The following CDH13 variants were observed in gnomAD, a reference collection of about 807,000 sequenced individuals.
CDH13 encodes cadherin 13.
CDH13 carries 24 observed loss-of-function variants against 63.8 expected under a neutral mutation model. That is an observed-to-expected ratio of 0.38 (90% CI 0.27 to 0.53). CDH13 has a LOEUF of 0.53. Among genes scored for constraint, CDH13 ranks in the 20% least tolerant of loss-of-function variants. The pLI is 0.85. For missense variants in CDH13, 1,049 were observed against 903.1 expected (o/e 1.16, Z -2.07); for synonymous variants, 503 against 355.3 (o/e 1.42, Z -4.67).
rs113562239 is a variant in CDH13, at chr16:83,429,682, C to G, written c.782-56795C>G. Among the ~76,000 whole-genome samples the G allele has an allele frequency of 4.9e-3, 748 of 152,336 alleles. 3 individuals carry two copies. The highest frequency in any genetic ancestry group is 0.02 in the Middle Eastern group (6 of 294). ...GGCTAATCTTTCCTTAGAACTTGTGCTCTGCTTCTGTAACTTGGCAAGCAC... is the reference window on the plus strand; with the variant it reads ...GGCTAATCTTTCCTTAGAACTTGTGGTCTGCTTCTGTAACTTGGCAAGCAC... On this transcript the variant is annotated intron_variant, in intron 6 of 13. Coordinates refer to ENST00000567109, the MANE Select transcript of CDH13 (RefSeq NM_001257.5).
At position 83,614,788 on chromosome 16, in the gene CDH13, G is replaced by A. The variant is rs567049105; in HGVS notation, c.1101+12194G>A. Among the ~76,000 whole-genome samples, 4 of 152,264 alleles carry A rather than the reference G, an allele frequency of 2.6e-5. No homozygotes were observed. The South Asian group carries it at 8.3e-4, about 32-fold the overall frequency. ...ACATGGTGCGGATATAATTCCTGTG[G>A]CAGAAAGCATAATATTTTCATTTAA... On this transcript the variant is annotated intron_variant, in intron 8 of 13. Transcript: ENST00000567109.
rs896293245 is a variant in CDH13 at position 83,160,026 on chromosome 16, A to G, written c.483+34525A>G. ...AGGAGGCAGAGGTTGCAGTGAGCCG[A>G]TATCACACCACTGCATTCCAGCCCG... On this transcript the variant is annotated intron_variant, in intron 4 of 13. Coordinates refer to ENST00000567109, the MANE Select transcript of CDH13 (RefSeq NM_001257.5). 2.0e-5 allele frequency among the ~76,000 whole-genome samples: 3 copies of G among 152,096 alleles called. 1 individual carries two copies. Among genetic ancestry groups the G allele is most frequent in the East Asian group, 3.9e-4 (2 of 5,178 alleles).
At chr16:83,511,900 C>T (rs1260771978) in intron 7 of CDH13, among the ~76,000 whole-genome samples, 1 of 152,146 alleles carries the variant, frequency 6.6e-6, no homozygotes, top group Non-Finnish European at 1.5e-5. Flanking sequence ...TATTTAACCT[C>T]TCATACCCTC....
intron 4 of CDH13, among the ~76,000 whole-genome samples, chr16:83,199,864 A>T (rs1289224419): frequency 2.6e-5 from 4 of 152,170 alleles, no homozygotes; most frequent in African/African-American, 9.7e-5. Context: ...GCCCAAGGTT[A>T]AAACCAAGGG....
In CDH13 at chr16:83,140,125, C is replaced by G. The variant is rs568981901; in HGVS notation, c.483+14624C>G. Among the ~76,000 whole-genome samples the G allele has an allele frequency of 9.7e-4, 148 of 152,298 alleles. 1 individual carries two copies. The highest frequency in any genetic ancestry group is 3.4e-3 in the African/African-American group (143 of 41,566). On this transcript the variant is annotated intron_variant, in intron 4 of 13. Transcript: ENST00000567109. ...AAAGACACAGCATCAGGCTGTACCA[C>G]CAGAGGTTTAGATCCCATAGGTCTG...
At chr16:83,749,530 A>T (rs1912903356) in intron 11 of CDH13, among the ~76,000 whole-genome samples, 1 of 152,202 alleles carries the variant, frequency 6.6e-6, no homozygotes, top group Admixed American at 6.5e-5. Context: ...ATCTATTTGG[A>T]TGTATGTGGA....
chr16:83,097,186 A>G (rs759750420), intron 3 of CDH13, among the ~76,000 whole-genome samples: 1 of 152,200 alleles, frequency 6.6e-6, no homozygotes, highest in African/African-American at 2.4e-5. Flanking sequence ...AAAAGGAAGC[A>G]TTGAGTCTAA....
At chr16:83,059,683 C>T (rs147275527) in intron 3 of CDH13, among the ~76,000 whole-genome samples, 24 of 151,974 alleles carry the variant, frequency 1.6e-4, no homozygotes, top group African/African-American at 5.8e-4. Context: ...GGTTCCATGA[C>T]ACACATCACA....
At chr16:82,861,821 G>A (rs1469521325) in intron 2 of CDH13, among the ~76,000 whole-genome samples, 3 of 152,132 alleles carry the variant, frequency 2.0e-5, no homozygotes, top group Non-Finnish European at 2.9e-5. Context: ...CCAAAACATA[G>A]CATTCAGCTA....
chr16:82,641,677 G>A (rs1241980697), intron 1 of CDH13, among the ~76,000 whole-genome samples: 1 of 152,320 alleles, frequency 6.6e-6, no homozygotes, highest in South Asian at 2.1e-4. Context: ...GGAGAAAAGT[G>A]GAGGCTGTCT....
chr16:82,678,091 C>T (rs8060553), intron 1 of CDH13, among the ~76,000 whole-genome samples: 2,849 of 152,226 alleles, frequency 0.019, 80 homozygotes, highest in African/African-American at 0.065. Context: ...ACCCTCTACA[C>T]TGGCCTCCCA....
At chr16:82,681,407 G>A (rs1032825818) in intron 1 of CDH13, among the ~76,000 whole-genome samples, 7 of 152,184 alleles carry the variant, frequency 4.6e-5, no homozygotes, top group East Asian at 1.9e-4. Flanking sequence ...AGGTGGAAAC[G>A]TTGTGAAGCT....
chr16:83,301,189 G>A (rs1206067121), intron 5 of CDH13, among the ~76,000 whole-genome samples: 2 of 151,360 alleles, frequency 1.3e-5, no homozygotes, highest in Non-Finnish European at 2.9e-5. Flanking sequence ...CCACCACCAC[G>A]CCCGGCTAAT....
At chr16:83,604,007 G>T (rs1908094686) in intron 8 of CDH13, among the ~76,000 whole-genome samples, 2 of 152,008 alleles carry the variant, frequency 1.3e-5, no homozygotes, top group Non-Finnish European at 2.9e-5. Context: ...AGCACTAGGG[G>T]GGTGGGTGCT....
chr16:83,671,232 A>C (rs1161481934), intron 9 of CDH13, among the ~76,000 whole-genome samples: 1 of 152,100 alleles, frequency 6.6e-6, no homozygotes, highest in Non-Finnish European at 1.5e-5. Context: ...AACCAAACTT[A>C]AGTGCATTTT....
chr16:82,999,684 C>G (rs1393395200), intron 2 of CDH13, among the ~76,000 whole-genome samples: 1 of 152,216 alleles, frequency 6.6e-6, no homozygotes, highest in African/African-American at 2.4e-5. Flanking sequence ...AAGTATTAAA[C>G]AAATGACATG....
intron 8 of CDH13, among the ~76,000 whole-genome samples, chr16:83,660,316 G>C (rs919822828): frequency 1.3e-5 from 2 of 152,126 alleles, no homozygotes; most frequent in Admixed American, 1.3e-4. Context: ...GTTCCATCTG[G>C]GGGTGATAGT....
chr16:82,788,408 G>A (rs7184633), intron 1 of CDH13, among the ~76,000 whole-genome samples: 1 of 151,974 alleles, frequency 6.6e-6, no homozygotes, highest in African/African-American at 2.4e-5. Context: ...TGTGGTCCAC[G>A]TGACTCTTAA....
At chr16:82,829,104 A>G (rs1427224807) in intron 1 of CDH13, among the ~76,000 whole-genome samples, 1 of 152,146 alleles carries the variant, frequency 6.6e-6, no homozygotes, top group Non-Finnish European at 1.5e-5. Context: ...GACTGGTTGG[A>G]GTGGGGTGGG....
Sources: gnomAD v4.1 joint callset for allele counts (sites outside exome capture counted in the v4.1 genomes callset) on GRCh38, gnomAD v4.1.1 for gene constraint, MANE v1.5 for transcripts, NCBI Gene and HGNC (gene_info 2026-07-23, HGNC 2026-07-21) for gene names.